The following SGCZ variants were observed in gnomAD, a reference collection of about 807,000 sequenced individuals.
SGCZ encodes sarcoglycan zeta.
In SGCZ, 40 loss-of-function variants were observed where a neutral mutation model predicts 41.3. That is an observed-to-expected ratio of 0.97 (90% CI 0.75 to 1.26). SGCZ has a LOEUF of 1.26. SGCZ is among the 50% of genes most tolerant of loss of function. The pLI is 0.00. For synonymous variants in SGCZ, 206 were observed against 137.5 expected (o/e 1.50, Z -3.49); for missense variants, 552 against 369.8 (o/e 1.49, Z -4.04).
chr8:14,686,147 A>G (rs888743892), intron 1 of SGCZ, among the ~76,000 whole-genome samples: 14 of 152,178 alleles, frequency 9.2e-5, no homozygotes, highest in African/African-American at 2.9e-4. Flanking sequence ...CAATTTATAT[A>G]GAAAATTATT....
chr8:14,688,180 C>G (rs1273825435), intron 1 of SGCZ, among the ~76,000 whole-genome samples: 1 of 152,142 alleles, frequency 6.6e-6, no homozygotes, highest in Non-Finnish European at 1.5e-5. Context: ...TTTTGCTGTG[C>G]AGAAGCTCTT....
intron 3 of SGCZ, among the ~76,000 whole-genome samples, chr8:14,260,260 A>C (rs1462935974): frequency 6.6e-6 from 1 of 151,978 alleles, no homozygotes; most frequent in Non-Finnish European, 1.5e-5. Context: ...GCAAAAAACA[A>C]ACAACCCCAT....
chr8:14,135,814 G>A (rs1218494472), intron 5 of SGCZ, among the ~76,000 whole-genome samples: 2 of 152,034 alleles, frequency 1.3e-5, no homozygotes, highest in African/African-American at 4.8e-5. Context: ...AGTTTTATGA[G>A]ATTGGTAGTA....
chr8:14,719,803 T>C (rs1344655563), intron 1 of SGCZ, among the ~76,000 whole-genome samples: 4 of 151,928 alleles, frequency 2.6e-5, no homozygotes, highest in Non-Finnish European at 4.4e-5. Flanking sequence ...ATTTTGTAGG[T>C]TGCCTGTTCA....
intron 1 of SGCZ, among the ~76,000 whole-genome samples, chr8:15,191,350 A>C (rs1469785083): frequency 6.6e-6 from 1 of 152,128 alleles, no homozygotes; most frequent in East Asian, 1.9e-4. Context: ...TACCTAGACC[A>C]GGCAGGTAAA....
intron 2 of SGCZ, among the ~76,000 whole-genome samples, chr8:14,382,320 G>A (rs1270415896): frequency 6.6e-6 from 1 of 152,006 alleles, no homozygotes; most frequent in Non-Finnish European, 1.5e-5. Context: ...AGTATTGATT[G>A]TTTGCGTAAG....
intron 2 of SGCZ, among the ~76,000 whole-genome samples, chr8:14,429,955 A>T (rs1215667274): frequency 6.6e-6 from 1 of 152,142 alleles, no homozygotes; most frequent in Non-Finnish European, 1.5e-5. Flanking sequence ...AAAGGTATTC[A>T]TAGTAGTCTT....
At chr8:14,735,631 T>C (rs1181910226) in intron 1 of SGCZ, among the ~76,000 whole-genome samples, 2 of 152,170 alleles carry the variant, frequency 1.3e-5, no homozygotes, top group Non-Finnish European at 2.9e-5. Flanking sequence ...CTCCTCAGCT[T>C]GCAGATGGCC....
At chr8:14,719,355 T>C (rs1297954762) in intron 1 of SGCZ, among the ~76,000 whole-genome samples, 3 of 150,562 alleles carry the variant, frequency 2.0e-5, no homozygotes, top group East Asian at 4.0e-4. Context: ...TTATAGTCCT[T>C]TGGGTATATA....
chr8:14,123,361 A>T (rs1802758149), intron 5 of SGCZ, among the ~76,000 whole-genome samples: 3 of 152,230 alleles, frequency 2.0e-5, no homozygotes, highest in Admixed American at 2.0e-4. Context: ...TTATTTGCCA[A>T]TTTTGTTGAA....
intron 2 of SGCZ, among the ~76,000 whole-genome samples, chr8:14,447,513 T>A (rs75459547): frequency 0.069 from 10,557 of 152,208 alleles, 1,220 homozygotes; most frequent in African/African-American, 0.24. Context: ...GAAAAACAAG[T>A]ATGTAATTAA....
intron 2 of SGCZ, among the ~76,000 whole-genome samples, chr8:14,391,435 T>G (rs1441743492): frequency 1.3e-5 from 2 of 152,160 alleles, no homozygotes; most frequent in African/African-American, 4.8e-5. Context: ...ACTAAGAGAT[T>G]CCATATGTAT....
intron 7 of SGCZ, among the ~76,000 whole-genome samples, chr8:14,097,801 C>CTT (rs1801890985): frequency 6.6e-6 from 1 of 152,012 alleles, no homozygotes; most frequent in Non-Finnish European, 1.5e-5. Context: ...ATTTAGGATA[C>CTT]TTAGATCTTC....
At chr8:14,649,196 G>A (rs1421025993) in intron 1 of SGCZ, among the ~76,000 whole-genome samples, 2 of 152,104 alleles carry the variant, frequency 1.3e-5, no homozygotes, top group Admixed American at 6.6e-5. Flanking sequence ...GTCAGACAGG[G>A]CTAGGTACTT....
chr8:14,120,437 T>G (rs949073182), intron 5 of SGCZ, among the ~76,000 whole-genome samples: 6 of 152,122 alleles, frequency 3.9e-5, no homozygotes, highest in Non-Finnish European at 8.8e-5. Context: ...CTGAAACATT[T>G]CATTTAGGAA....
At chr8:14,108,330 GA>G in intron 5 of SGCZ, 95 bp from the exon 6 acceptor site, 1 of 1,145,692 alleles carries the variant, frequency 8.7e-7, no homozygotes, top group Non-Finnish European at 1.3e-6. Flanking sequence ...CCAAAACAGA[GA>G]AAACTTAAAA....
At chr8:14,988,320 T>C (rs1801896261) in intron 1 of SGCZ, among the ~76,000 whole-genome samples, 1 of 151,962 alleles carries the variant, frequency 6.6e-6, no homozygotes, top group Non-Finnish European at 1.5e-5. Context: ...ACATTCCCCA[T>C]CATATAAGAT....
intron 1 of SGCZ, among the ~76,000 whole-genome samples, chr8:14,653,863 TCATAGAATCATAATC>T (rs1807478055): frequency 6.6e-6 from 1 of 152,152 alleles, no homozygotes; most frequent in Non-Finnish European, 1.5e-5. Flanking sequence ...ATGAAACTTC[TCATAGAATCATAATC>T]CTTTTTTTGA....
chr8:14,646,445 C>T, intron 1 of SGCZ, among the ~76,000 whole-genome samples: 1 of 111,264 alleles, frequency 9.0e-6, no homozygotes, highest in South Asian at 2.6e-4. Context: ...CATTATCCAA[C>T]CCACTGTTGA....
Sources: allele counts gnomAD v4.1 joint callset (sites outside exome capture counted in the v4.1 genomes callset), GRCh38; gene constraint gnomAD v4.1.1; transcripts MANE v1.5; gene names NCBI Gene and HGNC (gene_info 2026-07-23, HGNC 2026-07-21).